C1GALT1: variants seen among roughly 807,000 people sequenced by gnomAD.
C1GALT1 encodes core 1 synthase, glycoprotein-N-acetylgalactosamine 3-beta-galactosyltransferase 1.
A neutral mutation model predicts 31.0 loss-of-function variants in C1GALT1; 11 were observed. That is an observed-to-expected ratio of 0.36 (90% CI 0.22 to 0.59). C1GALT1 has a LOEUF of 0.59. Ranked by LOEUF, C1GALT1 falls within the 20% of genes least tolerant of loss-of-function variation. The pLI is 0.79. For missense variants in C1GALT1, 424 were observed against 425.2 expected, an observed-to-expected ratio of 1.00 and a Z score of 0.03; for synonymous variants, 175 against 143.6, an observed-to-expected ratio of 1.22 and a Z score of -1.56.
intron 1 of C1GALT1, among the ~76,000 whole-genome samples, chr7:7,221,136 A>C (rs1195366903): frequency 6.6e-6 from 1 of 151,838 alleles, no homozygotes; most frequent in Non-Finnish European, 1.5e-5. Context: ...TGAGTTAATG[A>C]TTTCCTCTTC....
intron 1 of C1GALT1, among the ~76,000 whole-genome samples, chr7:7,233,851 CAT>C (rs750406158): frequency 3.3e-5 from 5 of 152,142 alleles, no homozygotes; most frequent in Admixed American, 1.3e-4. Flanking sequence ...ACAGAAACCA[CAT>C]GAGACCCAAA....
intron 3 of C1GALT1, 78 bp from the exon 4 acceptor site, chr7:7,243,446 G>A (rs1783715841): frequency 8.6e-7 from 1 of 1,161,028 alleles, no homozygotes; most frequent in Non-Finnish European, 1.2e-6. Context: ...AAAATTAGCT[G>A]GTCCTTTATA....
At chr7:7,226,696 C>T (rs376560521) in intron 1 of C1GALT1, among the ~76,000 whole-genome samples, 1 of 152,104 alleles carries the variant, frequency 6.6e-6, no homozygotes. Context: ...TTAAAAAAAA[C>T]TGCTTGCTGA....
At chr7:7,237,222 A>C (rs949871207) in intron 2 of C1GALT1, among the ~76,000 whole-genome samples, 6 of 152,190 alleles carry the variant, frequency 3.9e-5, no homozygotes, top group African/African-American at 1.4e-4. Context: ...TTGGCCTTTC[A>C]CCACAGATAG....
chr7:7,243,640 T>G lies in C1GALT1; in HGVS notation c.1005T>G (p.Tyr335Ter). The G allele has an allele frequency of 6.2e-7, 1 of 1,612,294 alleles. No homozygotes were observed. The highest frequency in any genetic ancestry group is 2.2e-5 in the East Asian group (1 of 44,806). The change falls in exon 4 of 4, where the codon TAT (tyrosine) becomes TAG (stop). Residue 335 changes from tyrosine to a stop codon, truncating the protein, a stop_gained. Transcript: ENST00000436587. LOFTEE classifies it high-confidence loss of function. The part of the protein sequence containing the change: ...HLRPYGYLYR[Y>*]QPTLPERILK... Reference sequence around the variant, plus strand: ...GTCCATATGGTTATTTATACAGATATCAACCTACCTTACCTGAACGTATAC... The same window carrying G: ...GTCCATATGGTTATTTATACAGATAGCAACCTACCTTACCTGAACGTATAC...
At chr7:7,199,016 T>A (rs1781420782) in intron 1 of C1GALT1, among the ~76,000 whole-genome samples, 1 of 152,052 alleles carries the variant, frequency 6.6e-6, no homozygotes, top group African/African-American at 2.4e-5. Flanking sequence ...TTTTGAAGGG[T>A]TTTTTGTGTC....
At position 7,184,100 on chromosome 7, in the gene C1GALT1, C is replaced by CCCAT. The variant is rs557747499; in HGVS notation, c.-18+1281_-18+1284dup. Among the ~76,000 whole-genome samples the CCCAT allele has an allele frequency of 2.9e-3, 443 of 152,254 alleles. 1 individual carries two copies. The highest frequency in any genetic ancestry group is 0.01 in the African/African-American group (430 of 41,538). ...AGGTAAATGGCAGTTGAGCTTAATG[C>CCCAT]CCATGATGCTGTATGTTCTAAATAT... On this transcript the variant is annotated intron_variant, in intron 1 of 3. Coordinates refer to ENST00000436587, the MANE Select transcript of C1GALT1 (RefSeq NM_020156.5).
chr7:7,232,951 T>A (rs1258948624), intron 1 of C1GALT1, among the ~76,000 whole-genome samples: 1 of 152,240 alleles, frequency 6.6e-6, no homozygotes, highest in African/African-American at 2.4e-5. Context: ...ACATTGAAAT[T>A]AAATTTTATT....
At chr7:7,200,684 T>G in intron 1 of C1GALT1, among the ~76,000 whole-genome samples, 1 of 152,218 alleles carries the variant, frequency 6.6e-6, no homozygotes, top group East Asian at 1.9e-4. Flanking sequence ...TCTTGGAGGC[T>G]TTGTTCGTTT....
chr7:7,217,347 G>T (rs1468333724), intron 1 of C1GALT1, among the ~76,000 whole-genome samples: 1 of 151,698 alleles, frequency 6.6e-6, no homozygotes, highest in African/African-American at 2.4e-5. Context: ...CTGAGAGAGG[G>T]AATTCCCCTA....
chr7:7,172,360 G>T (rs2128227472), intron 2 of C1GALT1, among the ~76,000 whole-genome samples: 1 of 151,950 alleles, frequency 6.6e-6, no homozygotes, highest in Admixed American at 6.5e-5. Context: ...CTTTTTTCTT[G>T]TTTGCTGCTT....
intron 1 of C1GALT1, among the ~76,000 whole-genome samples, chr7:7,203,407 T>G (rs565478230): frequency 6.6e-6 from 1 of 152,280 alleles, no homozygotes; most frequent in East Asian, 1.9e-4. Flanking sequence ...GAAAGCATAT[T>G]GAATTTTGTC....
Position 7,244,897 on chromosome 7 carries a change from A to G in C1GALT1, c.*1170A>G, listed in dbSNP as rs1192227536. ...GAAAGAGTAGATACTTAATTTATAA[A>G]TAACAGTCTGAAGGTTGGTGCTATT... On this transcript the variant is annotated 3_prime_UTR_variant, in exon 4 of 4. Coordinates refer to ENST00000436587, the MANE Select transcript of C1GALT1 (RefSeq NM_020156.5). The G allele has an allele frequency of 6.6e-6, 1 of 152,218 alleles. No homozygotes were observed. The highest frequency in any genetic ancestry group is 1.9e-4 in the East Asian group (1 of 5,196). The allele number at this position is 152,218 out of a possible 1,614,324, so 9.4% of individuals were successfully genotyped here. A position where few individuals can be genotyped will look rare whatever the true frequency, so the allele number is the denominator to read the frequency against.
intron 1 of C1GALT1, among the ~76,000 whole-genome samples, chr7:7,213,260 A>G (rs1372195813): frequency 6.6e-6 from 1 of 152,210 alleles, no homozygotes; most frequent in Non-Finnish European, 1.5e-5. Context: ...AAGCAAGACA[A>G]CAATTGTCTG....
intron 3 of C1GALT1, among the ~76,000 whole-genome samples, chr7:7,239,285 CAAGT>C (rs1783514009): frequency 6.6e-6 from 1 of 152,026 alleles, no homozygotes; most frequent in Admixed American, 6.6e-5. Context: ...AAAAATAAGC[CAAGT>C]AAGGGGATGG....
At chr7:7,158,910 A>C (rs1026821211) in intron 2 of C1GALT1, among the ~76,000 whole-genome samples, 1 of 152,168 alleles carries the variant, frequency 6.6e-6, no homozygotes, top group Admixed American at 6.6e-5. Flanking sequence ...AAGGCATTCT[A>C]TCTCAAACTG....
intron 1 of C1GALT1, among the ~76,000 whole-genome samples, chr7:7,198,523 T>TG (rs1781397914): frequency 2.6e-5 from 4 of 152,334 alleles, no homozygotes; most frequent in Admixed American, 2.6e-4. Flanking sequence ...TGCTAGGCTT[T>TG]GGTATCAGGA....
Position 7,243,527 on chromosome 7 carries a change from C to T in C1GALT1, c.892C>T (p.Pro298Ser), listed in dbSNP as rs1429630994. 3 of 1,594,644 alleles carry T rather than the reference C, an allele frequency of 1.9e-6. No individual in the cohort carries two copies. In the South Asian group the frequency reaches 3.4e-5, roughly 18 times the overall value. The change falls in exon 4 of 4, where the codon CCT becomes TCT. Residue 298 changes from proline to serine, a missense_variant. Coordinates refer to ENST00000436587, the MANE Select transcript of C1GALT1 (RefSeq NM_020156.5). The stretch of plus-strand genomic sequence containing the variant: ...CCTGTTTCCACTACTTTTTTAGGGT[C>T]CTGGTTGCTGCTCTGATCTTGCAGT... ...NYNYYPPVEG[P>S]GCCSDLAVSF...
intron 2 of C1GALT1, among the ~76,000 whole-genome samples, chr7:7,160,565 G>A (rs929465262): frequency 6.6e-6 from 1 of 152,130 alleles, no homozygotes; most frequent in Admixed American, 6.6e-5. Flanking sequence ...TTTAGAAGGG[G>A]AGGAAAATAA....
Sources: allele counts gnomAD v4.1 joint callset (sites outside exome capture counted in the v4.1 genomes callset), GRCh38; gene constraint gnomAD v4.1.1; transcripts MANE v1.5; gene names NCBI Gene and HGNC (gene_info 2026-07-23, HGNC 2026-07-21).